The following DENND1B variants were observed in gnomAD, a reference collection of about 807,000 sequenced individuals.
The protein encoded by DENND1B is DENN domain-containing protein 1B.
DENND1B carries 59 observed loss-of-function variants against 90.1 expected under a neutral mutation model. That is an observed-to-expected ratio of 0.65 (90% CI 0.53 to 0.81). DENND1B has a LOEUF of 0.81. DENND1B is among the 40% of genes least tolerant of loss of function. The probability of loss-of-function intolerance (pLI) is 0.00; values close to 1 mark genes in which losing one functional copy is unlikely to be tolerated. For missense variants in DENND1B, 862 were observed against 912.6 expected (o/e 0.94, Z 0.71); for synonymous variants, 337 against 324.6 (o/e 1.04, Z -0.41).
chr1:197,695,261 T>A (rs532369909), intron 3 of DENND1B, among the ~76,000 whole-genome samples: 1 of 151,134 alleles, frequency 6.6e-6, no homozygotes, highest in Non-Finnish European at 1.5e-5. Context: ...CCTTATAATG[T>A]TTCGTTCTGA....
chr1:197,645,596 C>T lies in DENND1B; in HGVS notation c.561+94G>A, dbSNP rs1680657721. The T allele has an allele frequency of 1.2e-5, 7 of 578,042 alleles. No homozygotes were observed. The Admixed American group carries it at 1.5e-4, about 13-fold the overall frequency. 35.8% of individuals were successfully genotyped at this position (578,042 alleles called of 1,614,324 possible). Reference sequence around the variant, plus strand: ...ACAAACACAGATAATTACAATGTATCCTATTTCTCTATATAAAAACGCATA... The same window carrying T: ...ACAAACACAGATAATTACAATGTATTCTATTTCTCTATATAAAAACGCATA... On this transcript the variant is annotated intron_variant, in intron 9 of 22. Coordinates refer to ENST00000620048, the MANE Select transcript of DENND1B (RefSeq NM_001195215.2).
At chr1:197,576,132 A>G (rs1347700125) in intron 15 of DENND1B, among the ~76,000 whole-genome samples, 1 of 152,180 alleles carries the variant, frequency 6.6e-6, no homozygotes, top group Non-Finnish European at 1.5e-5. Context: ...AGAATAGAAA[A>G]GACAGAATGA....
chr1:197,535,089 T>C (rs1344902928), intron 20 of DENND1B, among the ~76,000 whole-genome samples: 1 of 152,222 alleles, frequency 6.6e-6, no homozygotes, highest in Admixed American at 6.5e-5. Flanking sequence ...CCTTGCCCAA[T>C]GTGCAAATAT....
chr1:197,731,012 A>C (rs1242641256), intron 2 of DENND1B, among the ~76,000 whole-genome samples: 1 of 152,154 alleles, frequency 6.6e-6, no homozygotes, highest in African/African-American at 2.4e-5. Flanking sequence ...TTACCATATG[A>C]CAACTTCATG....
intron 3 of DENND1B, among the ~76,000 whole-genome samples, chr1:197,696,981 G>A (rs12131588): frequency 0.18 from 26,546 of 149,130 alleles, 2,708 homozygotes; most frequent in Middle Eastern, 0.33. Context: ...GGAGGCTCAG[G>A]AAAGCCTTCA....
rs1271466502 is a variant in DENND1B, at chr1:197,615,558, C to A, written c.773+2101G>T. ...ATTCATAAAAAGTATTTAATCAAAACTATGAGATTGAAGGGATGATCTGTA... is the reference window on the plus strand; with the variant it reads ...ATTCATAAAAAGTATTTAATCAAAAATATGAGATTGAAGGGATGATCTGTA... On this transcript the variant is annotated intron_variant, in intron 11 of 22. Transcript: ENST00000620048. 7.3e-5 allele frequency among the ~76,000 whole-genome samples: 11 copies of A among 150,928 alleles called. No homozygotes were observed. The Admixed American group carries it at 7.3e-4, about 10-fold the overall frequency.
chr1:197,589,277 A>G (rs2125790628), intron 14 of DENND1B, among the ~76,000 whole-genome samples: 1 of 152,246 alleles, frequency 6.6e-6, no homozygotes, highest in Admixed American at 6.5e-5. Flanking sequence ...ACTTGAGGAG[A>G]AACTGTATAT....
upstream of DENND1B, among the ~76,000 whole-genome samples, chr1:197,780,310 G>T (rs956580448): frequency 6.6e-6 from 1 of 151,314 alleles, no homozygotes; most frequent in African/African-American, 2.4e-5. Context: ...TAAAGATGAA[G>T]ATGAAAGGTG....
intron 12 of DENND1B, among the ~76,000 whole-genome samples, chr1:197,610,566 C>T (rs955509312): frequency 3.4e-4 from 51 of 150,182 alleles, no homozygotes; most frequent in African/African-American, 1.1e-3. Context: ...CATTAAGAAG[C>T]GACAAGTACA....
rs115402776 is a variant in DENND1B at position 197,556,724 on chromosome 1, T to A, written c.1150-3612A>T. ...TATTTCTCCTTCTGTAAAATGGGAGTAATAAAAATACCTTATGCGGTATTG... is the reference window on the plus strand; with the variant it reads ...TATTTCTCCTTCTGTAAAATGGGAGAAATAAAAATACCTTATGCGGTATTG... On this transcript the variant is annotated intron_variant, in intron 15 of 22. Coordinates refer to ENST00000620048, the MANE Select transcript of DENND1B (RefSeq NM_001195215.2). 5.7e-3 allele frequency among the ~76,000 whole-genome samples: 862 copies of A among 152,038 alleles called. 11 individuals carry two copies. The highest frequency in any genetic ancestry group is 0.019 in the African/African-American group (806 of 41,526).
intron 3 of DENND1B, among the ~76,000 whole-genome samples, chr1:197,707,612 T>C (rs1427826382): frequency 6.8e-6 from 1 of 146,564 alleles, no homozygotes; most frequent in African/African-American, 2.5e-5. Flanking sequence ...TACATATATA[T>C]ACATATATAA....
At chr1:197,571,758 A>AT (rs1673172563) in intron 15 of DENND1B, among the ~76,000 whole-genome samples, 1 of 152,234 alleles carries the variant, frequency 6.6e-6, no homozygotes, top group South Asian at 2.1e-4. Flanking sequence ...TAATTGTTAG[A>AT]GTGAATAAAC....
At chr1:197,707,870 C>T (rs1297414185) in intron 3 of DENND1B, among the ~76,000 whole-genome samples, 2 of 147,830 alleles carry the variant, frequency 1.4e-5, no homozygotes, top group South Asian at 4.2e-4. Context: ...AGTGTGTGTG[C>T]GCACCGTGCG....
At position 197,625,942 on chromosome 1, in the gene DENND1B, C is replaced by T. The variant is rs567304140; in HGVS notation, c.673-8183G>A. Among the ~76,000 whole-genome samples, 5 of 152,076 alleles carry T rather than the reference C, an allele frequency of 3.3e-5. No individual in the cohort carries two copies. The East Asian group carries it at 9.7e-4, about 29-fold the overall frequency. ...GACAAAGAGGGCCATTACATAATGGCAAAGGGATCAATTCAACAAGAAGAG... is the reference window on the plus strand; with the variant it reads ...GACAAAGAGGGCCATTACATAATGGTAAAGGGATCAATTCAACAAGAAGAG... On this transcript the variant is annotated intron_variant, in intron 10 of 22. Transcript: ENST00000620048.
intron 6 of DENND1B, among the ~76,000 whole-genome samples, chr1:197,653,445 T>G (rs1360029441): frequency 6.6e-6 from 1 of 152,104 alleles, no homozygotes; most frequent in African/African-American, 2.4e-5. Flanking sequence ...GTATAAAAAT[T>G]TTTAGACTAG....
intron 10 of DENND1B, among the ~76,000 whole-genome samples, chr1:197,624,704 C>T (rs1307271465): frequency 6.6e-6 from 1 of 151,612 alleles, no homozygotes; most frequent in Admixed American, 6.6e-5. Context: ...AGGCTTCAGA[C>T]GATCAAACTA....
intron 3 of DENND1B, among the ~76,000 whole-genome samples, chr1:197,696,710 ATAAGT>A (rs1181095742): frequency 2.0e-5 from 3 of 151,540 alleles, no homozygotes; most frequent in Non-Finnish European, 3.0e-5. Context: ...GAAAATTAAG[ATAAGT>A]TATCATGAGT....
At chr1:197,548,573 A>G (rs887817422) in intron 16 of DENND1B, among the ~76,000 whole-genome samples, 13 of 152,192 alleles carry the variant, frequency 8.5e-5, no homozygotes, top group African/African-American at 2.9e-4. Flanking sequence ...CTGAGGTTCT[A>G]TGATGATGTA....
intron 15 of DENND1B, among the ~76,000 whole-genome samples, chr1:197,582,515 T>C (rs1674331578): frequency 6.6e-6 from 1 of 152,204 alleles, no homozygotes; most frequent in South Asian, 2.1e-4. Context: ...TCAAATTTTG[T>C]ATACAGAAAC....
Sources: gnomAD v4.1 joint callset for allele counts (sites outside exome capture counted in the v4.1 genomes callset) on GRCh38, gnomAD v4.1.1 for gene constraint, MANE v1.5 for transcripts, NCBI Gene and HGNC (gene_info 2026-07-23, HGNC 2026-07-21) for gene names.